Variants in TMEM108 observed in about 807,000 individuals in gnomAD.
TMEM108 encodes transmembrane protein 108, also known as cancer/testis antigen 124.
Under a neutral mutation model 35.1 loss-of-function variants are expected in TMEM108, and 12 were observed. That is an observed-to-expected ratio of 0.34 (90% CI 0.22 to 0.55). The LOEUF is 0.55. Among genes scored for constraint, TMEM108 ranks in the 20% least tolerant of loss-of-function variants. TMEM108 has a pLI of 0.89. For synonymous variants in TMEM108, 287 were observed against 308.6 expected, an observed-to-expected ratio of 0.93 and a Z score of 0.73; for missense variants, 680 against 753.3, an observed-to-expected ratio of 0.90 and a Z score of 1.14.
intron 3 of TMEM108, among the ~76,000 whole-genome samples, chr3:133,374,524 G>A (rs1291508054): frequency 6.8e-6 from 1 of 146,962 alleles, no homozygotes; most frequent in Non-Finnish European, 1.5e-5. Context: ...ATGTATATGT[G>A]TGTATATATA....
At chr3:133,341,899 C>A (rs1339042434) in intron 3 of TMEM108, among the ~76,000 whole-genome samples, 1 of 151,826 alleles carries the variant, frequency 6.6e-6, no homozygotes, top group Non-Finnish European at 1.5e-5. Flanking sequence ...GGATTTAAAA[C>A]CTAAATCTAA....
chr3:133,235,166 GGCCATACTGCCCAAGGTAATTTAT>G (rs1183746623), intron 3 of TMEM108, among the ~76,000 whole-genome samples: 2 of 152,108 alleles, frequency 1.3e-5, no homozygotes, highest in African/African-American at 4.8e-5. Flanking sequence ...TCGTGAAAAT[GGCCATACTGCCCAAGGTAATTTAT>G]AGATTCAATG....
At chr3:133,164,136 C>G (rs114766768) in intron 2 of TMEM108, among the ~76,000 whole-genome samples, 1 of 152,118 alleles carries the variant, frequency 6.6e-6, no homozygotes, top group Non-Finnish European at 1.5e-5. Context: ...GTTGTCACAA[C>G]CATCTCTATG....
In TMEM108 at chr3:133,119,128, T is replaced by A. The variant is rs1944321429; in HGVS notation, c.-47+73108T>A. The stretch of plus-strand genomic sequence containing the variant: ...GAAACGGCATTTTCGCATGTGCTTT[T>A]CCTGAGTCTAGGTTGTCAGGTGGAT... On this transcript the variant is annotated intron_variant, in intron 2 of 5. Transcript: ENST00000321871. 2.0e-5 allele frequency: 3 copies of A among 152,174 alleles called. No individual in the cohort carries two copies. In the South Asian group the frequency reaches 6.2e-4, roughly 32 times the overall value. 9.4% of individuals were successfully genotyped at this position (152,174 alleles called of 1,614,324 possible).
intron 3 of TMEM108, among the ~76,000 whole-genome samples, chr3:133,306,242 C>G (rs2071035317): frequency 6.6e-6 from 1 of 152,140 alleles, no homozygotes; most frequent in Non-Finnish European, 1.5e-5. Context: ...AATTTTAACT[C>G]TTACATTTAA....
intron 3 of TMEM108, among the ~76,000 whole-genome samples, chr3:133,243,782 CA>C (rs5852740): frequency 0.97 from 147,008 of 152,122 alleles, 71,218 homozygotes; most frequent in East Asian, 1. Context: ...CTTGGCCTCC[CA>C]AAAGTGCTGG....
At chr3:133,345,584 T>A (rs1356511004) in intron 3 of TMEM108, among the ~76,000 whole-genome samples, 3 of 151,870 alleles carry the variant, frequency 2.0e-5, no homozygotes, top group African/African-American at 7.2e-5. Context: ...TACAAACTTA[T>A]GAAAGTAATA....
chr3:133,118,447 G>A (rs1019889594), intron 2 of TMEM108, among the ~76,000 whole-genome samples: 1 of 152,136 alleles, frequency 6.6e-6, no homozygotes, highest in African/African-American at 2.4e-5. Flanking sequence ...CAAAGTTTTG[G>A]AGGTAGTTTA....
At chr3:133,273,007 G>A (rs1946794684) in intron 3 of TMEM108, among the ~76,000 whole-genome samples, 1 of 152,188 alleles carries the variant, frequency 6.6e-6, no homozygotes, top group South Asian at 2.1e-4. Flanking sequence ...TACAGACAGA[G>A]AAGGGACCAG....
Position 133,307,915 on chromosome 3 carries a change from A to G in TMEM108, c.41-71837A>G, listed in dbSNP as rs1237136853. Among the ~76,000 whole-genome samples, 4 of 152,084 alleles carry G rather than the reference A, an allele frequency of 2.6e-5. No homozygotes were observed. In the South Asian group the frequency reaches 8.3e-4, roughly 32 times the overall value. ...TGTGAAGCAAATCATTGGTAGCTTGATGAGGATGGCATTGAATCTATAAAT... is the reference window on the plus strand; with the variant it reads ...TGTGAAGCAAATCATTGGTAGCTTGGTGAGGATGGCATTGAATCTATAAAT... On this transcript the variant is annotated intron_variant, in intron 3 of 5. Coordinates refer to ENST00000321871, the MANE Select transcript of TMEM108 (RefSeq NM_023943.4).
intron 2 of TMEM108, among the ~76,000 whole-genome samples, chr3:133,077,714 C>T (rs1943758985): frequency 6.6e-6 from 1 of 152,188 alleles, no homozygotes; most frequent in Non-Finnish European, 1.5e-5. Context: ...TTCAGTCTTC[C>T]TTTGGCCAGG....
chr3:133,056,608 A>G (rs575404019), intron 2 of TMEM108, among the ~76,000 whole-genome samples: 10 of 152,308 alleles, frequency 6.6e-5, no homozygotes, highest in East Asian at 3.9e-4. Flanking sequence ...GAGCTGGTCT[A>G]CATCACAGTT....
intron 2 of TMEM108, among the ~76,000 whole-genome samples, chr3:133,177,278 CAAT>C (rs1385303897): frequency 6.6e-6 from 1 of 152,068 alleles, no homozygotes; most frequent in African/African-American, 2.4e-5. Context: ...CTATTCCAAT[CAAT>C]AGAAAAAGAG....
chr3:133,073,510 C>CTCTCTCTCTCTCTATATATATATATA, intron 2 of TMEM108, among the ~76,000 whole-genome samples: 5 of 43,904 alleles, frequency 1.1e-4, no homozygotes, highest in South Asian at 8.3e-4. Context: ...CTCTCTCTCT[C>CTCTCTCTCTCTCTATATATATATATA]TATATATATA....
chr3:133,322,918 C>T (rs566768412), intron 3 of TMEM108, among the ~76,000 whole-genome samples: 4 of 151,810 alleles, frequency 2.6e-5, no homozygotes, highest in African/African-American at 9.6e-5. Flanking sequence ...AATCATATGA[C>T]CATCTCAATA....
intron 2 of TMEM108, among the ~76,000 whole-genome samples, chr3:133,155,330 A>G (rs887372134): frequency 2.6e-5 from 4 of 152,234 alleles, no homozygotes; most frequent in African/African-American, 9.6e-5. Flanking sequence ...TAATGTGTGC[A>G]TGTGTTTTTA....
intron 3 of TMEM108, among the ~76,000 whole-genome samples, chr3:133,348,197 A>G (rs944601637): frequency 5.9e-5 from 9 of 152,148 alleles, no homozygotes; most frequent in Non-Finnish European, 1.3e-4. Context: ...TACAAATATA[A>G]GAGAACAGAT....
At chr3:133,323,378 C>G (rs1270548440) in intron 3 of TMEM108, among the ~76,000 whole-genome samples, 3 of 152,100 alleles carry the variant, frequency 2.0e-5, no homozygotes, top group African/African-American at 7.2e-5. Flanking sequence ...CTGCTATACA[C>G]CAAAGTGACC....
chr3:133,326,532 A>T (rs2071335642), intron 3 of TMEM108, among the ~76,000 whole-genome samples: 1 of 152,200 alleles, frequency 6.6e-6, no homozygotes, highest in Non-Finnish European at 1.5e-5. Context: ...ATCAAATGGA[A>T]TAGTATAAAC....
Sources: allele counts gnomAD v4.1 joint callset (sites outside exome capture counted in the v4.1 genomes callset), GRCh38; gene constraint gnomAD v4.1.1; transcripts MANE v1.5; gene names NCBI Gene and HGNC (gene_info 2026-07-23, HGNC 2026-07-21).